EFEMP1: variants seen among roughly 807,000 people sequenced by gnomAD.
EFEMP1 encodes the protein EGF-like fibulin extracellular matrix protein 1.
EFEMP1 carries 18 observed loss-of-function variants against 65.7 expected under a neutral mutation model. That is an observed-to-expected ratio of 0.27 (90% CI 0.19 to 0.41). EFEMP1 has a LOEUF of 0.41. Ranked by LOEUF, EFEMP1 falls within the 10% of genes least tolerant of loss-of-function variation. The pLI, the probability that EFEMP1 is intolerant of heterozygous loss-of-function variation, is 1.00. For missense variants in EFEMP1, 469 were observed against 624.8 expected (o/e 0.75, Z 2.66); for synonymous variants, 237 against 219.7 (o/e 1.08, Z -0.70).
intron 5 of EFEMP1, among the ~76,000 whole-genome samples, chr2:55,894,308 A>T (rs750698369): frequency 7.9e-5 from 12 of 152,218 alleles, no homozygotes; most frequent in Non-Finnish European, 1.5e-4. Context: ...TGTTAAGGAC[A>T]TTGTGGTCAC....
intron 5 of EFEMP1, among the ~76,000 whole-genome samples, chr2:55,896,196 C>G (rs1077778): frequency 6.6e-6 from 1 of 152,072 alleles, no homozygotes; most frequent in Non-Finnish European, 1.5e-5. Flanking sequence ...TAACATTTGA[C>G]GCTTCCATAG....
chr2:55,874,813 A>G, intron 9 of EFEMP1, 133 bp downstream of exon 9: 2 of 910,476 alleles, frequency 2.2e-6, no homozygotes, highest in Non-Finnish European at 3.1e-6. Context: ...TATGATGAAC[A>G]GGGGAAAAAA....
At position 55,917,370 on chromosome 2, in the gene EFEMP1, G is replaced by C. The variant is rs55985909; in HGVS notation, c.517+295C>G. The stretch of plus-strand genomic sequence containing the variant: ...CAGAGACTGTGATTTAACTGGGCTG[G>C]GGTGTAGCTTCGCCATCGAGAAGTT... On this transcript the variant is annotated intron_variant, in intron 5 of 11. Coordinates refer to ENST00000355426, the MANE Select transcript of EFEMP1 (RefSeq NM_001039348.3). The surrounding 1 kb of genome is among the most constrained non-coding windows in gnomAD (Gnocchi z 6.3). Among the ~76,000 whole-genome samples the C allele has an allele frequency of 0.015, 2,295 of 152,248 alleles. 43 individuals are homozygous for C. Among genetic ancestry groups the C allele is most frequent in the African/African-American group, 0.045 (1,886 of 41,536 alleles).
chr2:55,868,514 G>A (rs1343444508), intron 11 of EFEMP1, among the ~76,000 whole-genome samples: 1 of 152,084 alleles, frequency 6.6e-6, no homozygotes, highest in Non-Finnish European at 1.5e-5. Flanking sequence ...TTTACAATAC[G>A]TTCTCTTTTC....
chr2:55,881,540 A>T (rs1669239901), intron 6 of EFEMP1, 72 bp downstream of exon 6: 13 of 1,594,044 alleles, frequency 8.2e-6, no homozygotes, highest in Non-Finnish European at 1.1e-5. Context: ...GAATGCTTTG[A>T]TTGGAATGCT....
chr2:55,876,718 T>C lies in EFEMP1; in HGVS notation c.785A>G (p.Asn262Ser), dbSNP rs148488868. The C allele has an allele frequency of 2.5e-6, 4 of 1,610,028 alleles. No individual in the cohort carries two copies. The highest frequency in any genetic ancestry group is 3.4e-6 in the Non-Finnish European group (4 of 1,177,590). Residue 262 changes from asparagine to serine, a missense_variant, in exon 8 of 12, where the codon AAT (asparagine) becomes AGT (serine). Asn to Ser is a conservative substitution (Grantham distance 46). Around this residue, in one of 3 missense-constraint regions of EFEMP1, gnomAD observed 399 missense variants for 528.2 expected, o/e 0.76. Transcript: ENST00000355426. ...GTTGTAGCACTGCTGAGCACATTGA[T>C]TGCTGGCATCACATTCATTTATATC... ...CVDINECDAS[N>S]QCAQQCYNIL...
chr2:55,922,993 A>T lies in EFEMP1; in HGVS notation c.-48-54T>A. 1 of 1,002,836 alleles carries T rather than the reference A, an allele frequency of 1.0e-6. No homozygotes were observed. Among genetic ancestry groups the T allele is most frequent in the Non-Finnish European group, 1.2e-6 (1 of 837,978 alleles). 62.1% of individuals were successfully genotyped at this position (1,002,836 alleles called of 1,614,324 possible). ...TCAAGCTTTTTATTTTTTAAACAAAATAACAAAACAAAACTCGGAGAGCAA... is the reference window on the plus strand; with the variant it reads ...TCAAGCTTTTTATTTTTTAAACAAATTAACAAAACAAAACTCGGAGAGCAA... On this transcript the variant is annotated intron_variant, in intron 1 of 11. Transcript: ENST00000355426. This position sits in a 1 kb window ranked among gnomAD's most constrained non-coding sequence, Gnocchi z 5.5.
intron 5 of EFEMP1, among the ~76,000 whole-genome samples, chr2:55,884,566 T>C (rs1669356480): frequency 1.3e-5 from 2 of 152,310 alleles, no homozygotes; most frequent in South Asian, 4.1e-4. Context: ...AACACAGCCT[T>C]TTGTAGGTAT....
chr2:55,896,572 C>T (rs1484199323), intron 5 of EFEMP1, among the ~76,000 whole-genome samples: 2 of 152,176 alleles, frequency 1.3e-5, no homozygotes, highest in African/African-American at 2.4e-5. Context: ...ACAGACAGAC[C>T]TGTGTTATTT....
intron 11 of EFEMP1, among the ~76,000 whole-genome samples, chr2:55,869,515 T>C (rs1304203895): frequency 6.6e-6 from 1 of 152,134 alleles, no homozygotes; most frequent in Admixed American, 6.6e-5. Context: ...AAGTTGGTCA[T>C]GAGAAATTAA....
chr2:55,903,600 C>CATTGAG (rs1428279969), intron 5 of EFEMP1, among the ~76,000 whole-genome samples: 1 of 152,082 alleles, frequency 6.6e-6, no homozygotes, highest in African/African-American at 2.4e-5. Flanking sequence ...ATTTGAGAAG[C>CATTGAG]ACTAATCTAT....
At chr2:55,901,075 G>A (rs1670013199) in intron 5 of EFEMP1, among the ~76,000 whole-genome samples, 2 of 152,188 alleles carry the variant, frequency 1.3e-5, no homozygotes, top group Admixed American at 1.3e-4. Flanking sequence ...AAACATAAAG[G>A]TGATGATTCT....
chr2:55,909,868 A>G (rs145013000), intron 5 of EFEMP1, among the ~76,000 whole-genome samples: 27 of 152,282 alleles, frequency 1.8e-4, no homozygotes, highest in African/African-American at 6.3e-4. Context: ...CAAATTCCCT[A>G]AAGACTATGA....
At position 55,881,622 on chromosome 2, in the gene EFEMP1, C is replaced by T; in HGVS notation, c.630G>A (p.Glu210=). The T allele has an allele frequency of 6.2e-7, 1 of 1,613,754 alleles. No homozygotes were observed. The highest frequency in any genetic ancestry group is 8.5e-7 in the Non-Finnish European group (1 of 1,179,902). ...QCPPGYQKRG[E]QCVDIDECTI... is the part of the protein sequence containing the mutation. Reference sequence around the variant, plus strand: ...CACTGTGGTACTTACCTACGCACTGCTCCCCTCGCTTCTGATATCCAGGAG... The same window carrying T: ...CACTGTGGTACTTACCTACGCACTGTTCCCCTCGCTTCTGATATCCAGGAG... The change falls in exon 6 of 12, where the codon GAG becomes GAA. Residue 210 remains glutamate, a synonymous_variant. Coordinates refer to ENST00000355426, the MANE Select transcript of EFEMP1 (RefSeq NM_001039348.3).
At chr2:55,910,250 C>G (rs2104441263) in intron 5 of EFEMP1, among the ~76,000 whole-genome samples, 1 of 152,184 alleles carries the variant, frequency 6.6e-6, no homozygotes, top group East Asian at 1.9e-4. Flanking sequence ...AACTACAAAC[C>G]TGCAATTCTT....
intron 6 of EFEMP1, among the ~76,000 whole-genome samples, chr2:55,881,072 A>C (rs944528625): frequency 6.6e-6 from 1 of 152,262 alleles, no homozygotes; most frequent in African/African-American, 2.4e-5. Flanking sequence ...GCTTTACTGC[A>C]CAGGGACAGG....
Position 55,922,232 on chromosome 2 carries a change from T to G in EFEMP1, c.81+128A>C. On this transcript the variant is annotated intron_variant, in intron 3 of 11. Transcript: ENST00000355426. This position sits in a 1 kb window ranked among gnomAD's most constrained non-coding sequence, Gnocchi z 5.5. ...ACGAATCTTAGATATGAAGCATGAATGAAGTGTTGTTTAATTTATCACCCT... is the reference window on the plus strand; with the variant it reads ...ACGAATCTTAGATATGAAGCATGAAGGAAGTGTTGTTTAATTTATCACCCT... 1.2e-6 allele frequency: 1 copy of G among 864,006 alleles called. No homozygotes were observed. The highest frequency in any genetic ancestry group is 2.6e-5 in the East Asian group (1 of 38,582). 53.5% of individuals were successfully genotyped at this position (864,006 alleles called of 1,614,324 possible).
rs1383774221 is a variant in EFEMP1, at chr2:55,883,424, G to C, written c.518-1690C>G. ...CACTTGATGAAAACCTTTTTACTGG[G>C]GTTTCTTCAGAGCTTTATGACTCGT... On this transcript the variant is annotated intron_variant, in intron 5 of 11. Transcript: ENST00000355426. The surrounding 1 kb of genome is among the most constrained non-coding windows in gnomAD (Gnocchi z 4.5). 6.6e-6 allele frequency among the ~76,000 whole-genome samples: 1 copy of C among 152,026 alleles called. No homozygotes were observed. The highest frequency in any genetic ancestry group is 2.4e-5 in the African/African-American group (1 of 41,386).
At chr2:55,902,732 C>T (rs942338609) in intron 5 of EFEMP1, among the ~76,000 whole-genome samples, 28 of 152,132 alleles carry the variant, frequency 1.8e-4, no homozygotes, top group African/African-American at 6.3e-4. Context: ...TTTTTTGCTT[C>T]TGAGTCATTA....
Sources: gnomAD v4.1 joint callset for allele counts (sites outside exome capture counted in the v4.1 genomes callset) on GRCh38, gnomAD v4.1.1 for gene constraint, gnomAD v4.1.1 regional missense constraint, Gnocchi (gnomAD v3.1) non-coding constraint, MANE v1.5 for transcripts, NCBI Gene and HGNC (gene_info 2026-07-23, HGNC 2026-07-21) for gene names.